The following MUC5AC variants were observed in gnomAD, a reference collection of about 807,000 sequenced individuals.
MUC5AC encodes the protein mucin-5AC.
MUC5AC carries 158 observed loss-of-function variants against 169.7 expected under a neutral mutation model. The ratio of observed to expected loss-of-function variants is 0.93; its 90% CI spans 0.82 to 1.06. The LOEUF (loss-of-function observed/expected upper bound fraction) is 1.06. MUC5AC is among the 50% of genes least tolerant of loss of function. MUC5AC has a pLI of 0.00. For synonymous variants in MUC5AC, 1,975 were observed against 1,237.0 expected (o/e 1.60, Z -12.52); for missense variants, 4,359 against 3,089.9 (o/e 1.41, Z -9.74).
intron 47 of MUC5AC, 44 bp downstream of exon 47, chr11:1,199,808 G>A (rs1590156063): frequency 4.1e-6 from 3 of 734,858 alleles, no homozygotes; most frequent in Non-Finnish European, 7.4e-6. Context: ...CACCCTCAGA[G>A]GTCTAGGAGC....
chr11:1,193,846 T>C (rs1861187446), intron 33 of MUC5AC, among the ~76,000 whole-genome samples, 187 bp downstream of exon 33: 1 of 152,144 alleles, frequency 6.6e-6, no homozygotes. Context: ...GGGTGCTGAG[T>C]GAATCCCTGT....
Position 1,182,534 on chromosome 11 carries a change from G to C in MUC5AC, c.4389G>C (p.Ser1463=). The C allele has an allele frequency of 5.0e-6, 2 of 398,662 alleles. No individual in the cohort carries two copies. Among genetic ancestry groups the C allele is most frequent in the South Asian group, 1.3e-4 (1 of 7,860 alleles). The allele number at this position is 398,662 out of a possible 1,614,324, so 24.7% of individuals were successfully genotyped here. A position where few individuals can be genotyped will look rare whatever the true frequency, so the allele number is the denominator to read the frequency against. ...GLTCRNREQA[S]GLCYNYQIRV... Reference sequence around the variant, plus strand: ...CCTGTCGTAACAGGGAGCAGGCATCGGGGCTCTGCTACAACTACCAGATCA... The same window carrying C: ...CCTGTCGTAACAGGGAGCAGGCATCCGGGCTCTGCTACAACTACCAGATCA... The change falls in exon 31 of 49, where the codon TCG becomes TCC. Residue 1463 remains serine, a synonymous_variant. Coordinates refer to ENST00000621226, the MANE Select transcript of MUC5AC (RefSeq NM_001304359.2).
In MUC5AC at chr11:1,186,831, C is replaced by G. The variant is rs1298449828; in HGVS notation, c.8686C>G (p.Pro2896Ala). Residue 2896 changes from proline (P) to alanine (A), a missense_variant, in exon 31 of 49, where the codon CCT becomes GCT. By Grantham distance (27) the Pro-to-Ala change is conservative. Coordinates refer to ENST00000621226, the MANE Select transcript of MUC5AC (RefSeq NM_001304359.2). The part of the protein sequence containing the change: ...PVPTTSTTSA[P>A]TTRTTSAPTT... The stretch of plus-strand genomic sequence containing the variant: ...TCCCACCACCAGTACAACCTCTGCT[C>G]CTACAACCAGAACAACCTCTGCTCC... 4 of 711,598 alleles carry G rather than the reference C, an allele frequency of 5.6e-6. No individual in the cohort carries two copies. In the African/African-American group the frequency reaches 7.1e-5, roughly 13 times the overall value. The allele number at this position is 711,598 out of a possible 1,614,324, so 44.1% of individuals were successfully genotyped here. A position where few individuals can be genotyped will look rare whatever the true frequency, so the allele number is the denominator to read the frequency against.
chr11:1,187,206 A>G lies in MUC5AC; in HGVS notation c.9061A>G (p.Thr3021Ala). 1.4e-6 allele frequency: 1 copy of G among 701,082 alleles called. No individual in the cohort carries two copies. The highest frequency in any genetic ancestry group is 2.6e-6 in the Non-Finnish European group (1 of 385,696). The allele number at this position is 701,082 out of a possible 1,614,324, so 43.4% of individuals were successfully genotyped here. ...STPSAPTTST[T>A]LAPTTSTTSA... ...ACCCTCTGCCCCTACAACCAGCACA[A>G]CCTTAGCTCCTACAACCAGCACAAC... The change falls in exon 31 of 49, where the codon ACC becomes GCC. Residue 3021 changes from threonine (T) to alanine (A), a missense_variant. Transcript: ENST00000621226.
At chr11:1,171,109 C>T (rs1214880270) in intron 15 of MUC5AC, among the ~76,000 whole-genome samples, 3 of 149,260 alleles carry the variant, frequency 2.0e-5, no homozygotes, top group Non-Finnish European at 4.5e-5. Context: ...ACCATTCACT[C>T]ACCCATTCGC....
At chr11:1,159,671 C>T (rs28547319) in intron 1 of MUC5AC, among the ~76,000 whole-genome samples, 14 of 92,900 alleles carry the variant, frequency 1.5e-4, no homozygotes, top group East Asian at 1.0e-3. Flanking sequence ...TGGCGTCTGG[C>T]CCCACCATGC....
chr11:1,165,564 A>G, intron 10 of MUC5AC, 58 bp from the exon 11 acceptor site: 1 of 1,603,676 alleles, frequency 6.2e-7, no homozygotes, highest in Non-Finnish European at 8.5e-7. Context: ...CCTGACGCGG[A>G]GGCTGGAGGC....
intron 25 of MUC5AC, 35 bp from the exon 26 acceptor site, chr11:1,179,057 G>A: frequency 6.2e-6 from 3 of 483,834 alleles, no homozygotes; most frequent in South Asian, 3.6e-5. Context: ...GGGTGGTGGG[G>A]GGGTCCCTGG....
At chr11:1,194,850 G>A (rs1861220497) in intron 35 of MUC5AC, among the ~76,000 whole-genome samples, 162 bp from the exon 36 acceptor site, 1 of 152,122 alleles carries the variant, frequency 6.6e-6, no homozygotes, top group South Asian at 2.1e-4. Flanking sequence ...AGTACCATAG[G>A]GACTGTCCCA....
chr11:1,194,186 G>C lies in MUC5AC; in HGVS notation c.14832G>C (p.Thr4944=). ...ACTACACCTTCCTGGACAACTGCAC[G>C]TACGTGCTGGTGCAGCAGATTGTGC... The part of the protein sequence containing the change: ...GTYYTFLDNC[T]YVLVQQIVPV... The change falls in exon 34 of 49, where the codon ACG becomes ACC. Residue 4944 remains threonine (T), a synonymous_variant. Coordinates refer to ENST00000621226, the MANE Select transcript of MUC5AC (RefSeq NM_001304359.2). The C allele has an allele frequency of 1.3e-6, 1 of 765,098 alleles. No individual in the cohort carries two copies. The highest frequency in any genetic ancestry group is 2.4e-5 in the East Asian group (1 of 41,248). 47.4% of individuals were successfully genotyped at this position (765,098 alleles called of 1,614,324 possible). A position where few individuals can be genotyped will look rare whatever the true frequency, so the allele number is the denominator to read the frequency against.
intron 1 of MUC5AC, among the ~76,000 whole-genome samples, chr11:1,159,428 G>T (rs1860058831): frequency 6.7e-6 from 1 of 149,904 alleles, no homozygotes; most frequent in Non-Finnish European, 1.5e-5. Context: ...GGGCTGTGCG[G>T]GGTTGTGTGG....
intron 16 of MUC5AC, among the ~76,000 whole-genome samples, chr11:1,172,843 C>T (rs1860580157): frequency 6.6e-6 from 1 of 151,504 alleles, no homozygotes; most frequent in African/African-American, 2.4e-5. Flanking sequence ...CTCACTCACC[C>T]ACTCATCCAC....
Position 1,195,020 on chromosome 11 carries a change from A to G in MUC5AC, c.15199A>G (p.Thr5067Ala), listed in dbSNP as rs1243159874. 2.7e-6 allele frequency: 2 copies of G among 741,534 alleles called. No homozygotes were observed. The highest frequency in any genetic ancestry group is 5.0e-5 in the East Asian group (2 of 39,984). 45.9% of individuals were successfully genotyped at this position (741,534 alleles called of 1,614,324 possible). A position where few individuals can be genotyped will look rare whatever the true frequency, so the allele number is the denominator to read the frequency against. The change falls in exon 36 of 49, where the codon ACC becomes GCC. Residue 5067 changes from threonine to alanine, a missense_variant. Thr to Ala is a moderately conservative substitution (Grantham distance 58, BLOSUM62 0). Transcript: ENST00000621226. ...CCACCGCGTCTGCCCAGGCACTTGC[A>G]CCAACGACAGGAAGGATGAGTGCCG... ...NNTEGQCGTC[T>A]NDRKDECRTP...
Position 1,188,785 on chromosome 11 carries a change from A to C in MUC5AC, c.10640A>C (p.Tyr3547Ser). Residue 3547 changes from tyrosine to serine, a missense_variant, in exon 31 of 49, where the codon TAC becomes TCC. Transcript: ENST00000621226. ...PGPHGGDKET[Y>S]NNIIRSGEKI... The stretch of plus-strand genomic sequence containing the variant: ...CCCCACGGTGGGGACAAGGAAACCT[A>C]CAACAACATCATCAGGAGTGGGGAA... 1.3e-6 allele frequency: 1 copy of C among 754,326 alleles called. No individual in the cohort carries two copies. Among genetic ancestry groups the C allele is most frequent in the Non-Finnish European group, 2.4e-6 (1 of 411,694 alleles). The allele number at this position is 754,326 out of a possible 1,614,324, so 46.7% of individuals were successfully genotyped here. A position where few individuals can be genotyped will look rare whatever the true frequency, so the allele number is the denominator to read the frequency against.
At position 1,187,272 on chromosome 11, in the gene MUC5AC, A is replaced by G. The variant is rs1860975838; in HGVS notation, c.9127A>G (p.Ser3043Gly). The change falls in exon 31 of 49, where the codon AGC becomes GGC. Residue 3043 changes from serine (S) to glycine (G), a missense_variant. Ser to Gly is a moderately conservative substitution (Grantham distance 56, BLOSUM62 0). Coordinates refer to ENST00000621226, the MANE Select transcript of MUC5AC (RefSeq NM_001304359.2). Reference protein sequence around the residue: ...TTSTTSTPTSSTTSSPQTSTT... With the variant: ...TTSTTSTPTSGTTSSPQTSTT... ...CAGCACAACCTCTACCCCTACAAGC[A>G]GCACAACCTCCTCTCCACAGACCAG... The G allele has an allele frequency of 1.4e-6, 1 of 696,962 alleles. No homozygotes were observed. Among genetic ancestry groups the G allele is most frequent in the Non-Finnish European group, 2.6e-6 (1 of 382,712 alleles). 43.2% of individuals were successfully genotyped at this position (696,962 alleles called of 1,614,324 possible).
intron 5 of MUC5AC, 87 bp from the exon 6 acceptor site, chr11:1,162,868 G>A (rs1464541416): frequency 9.6e-6 from 13 of 1,358,264 alleles, no homozygotes; most frequent in East Asian, 2.3e-5. Flanking sequence ...CGTGGGCCTC[G>A]GCCCCTCCTC....
chr11:1,194,191 T>C lies in MUC5AC; in HGVS notation c.14837T>C (p.Val4946Ala), dbSNP rs780656798. 2 of 765,082 alleles carry C rather than the reference T, an allele frequency of 2.6e-6. No individual in the cohort carries two copies. Among genetic ancestry groups the C allele is most frequent in the Non-Finnish European group, 4.8e-6 (2 of 417,870 alleles). The allele number at this position is 765,082 out of a possible 1,614,324, so 47.4% of individuals were successfully genotyped here. A position where few individuals can be genotyped will look rare whatever the true frequency, so the allele number is the denominator to read the frequency against. ...YYTFLDNCTY[V>A]LVQQIVPVYG... Reference sequence around the variant, plus strand: ...ACCTTCCTGGACAACTGCACGTACGTGCTGGTGCAGCAGATTGTGCCCGTG... The same window carrying C: ...ACCTTCCTGGACAACTGCACGTACGCGCTGGTGCAGCAGATTGTGCCCGTG... The change falls in exon 34 of 49, where the codon GTG (valine) becomes GCG (alanine). Residue 4946 changes from valine (V) to alanine (A), a missense_variant. Transcript: ENST00000621226.
chr11:1,166,699 G>C (rs1310708803), intron 11 of MUC5AC, among the ~76,000 whole-genome samples: 19 of 1,534 alleles, frequency 0.012, 1 homozygote, highest in Admixed American at 0.04. Flanking sequence ...CACAGTCTCT[G>C]CACGATGAGA....
rs993739266 is a variant in MUC5AC, at chr11:1,179,237, C to T, written c.3473C>T (p.Pro1158Leu). The T allele has an allele frequency of 9.7e-4, 580 of 596,324 alleles. 4 individuals carry two copies. Among genetic ancestry groups the T allele is most frequent in the Non-Finnish European group, 1.0e-3 (344 of 329,022 alleles). 36.9% of individuals were successfully genotyped at this position (596,324 alleles called of 1,614,324 possible). The change falls in exon 26 of 49, where the codon CCG (proline) becomes CTG (leucine). Residue 1158 changes from proline (P) to leucine (L), a missense_variant. Transcript: ENST00000621226. ...EVGLCVSWRT[P>L]SICPLFCDYY... ...GGCCTGTGTGTGTCCTGGCGGACCCCGAGCATCTGCCGTGAGTGCGAGTGG... is the reference window on the plus strand; with the variant it reads ...GGCCTGTGTGTGTCCTGGCGGACCCTGAGCATCTGCCGTGAGTGCGAGTGG...
Sources: gnomAD v4.1 joint callset for allele counts (sites outside exome capture counted in the v4.1 genomes callset) on GRCh38, gnomAD v4.1.1 for gene constraint, MANE v1.5 for transcripts, NCBI Gene and HGNC (gene_info 2026-07-23, HGNC 2026-07-21) for gene names.